LRRC37A2: variants seen among roughly 807,000 people sequenced by gnomAD.
The protein encoded by LRRC37A2 is leucine rich repeat containing 37 member A2, also known as leucine-rich repeat-containing protein 37A2.
In LRRC37A2, 9 loss-of-function variants were observed where a neutral mutation model predicts 68.8. That is an observed-to-expected ratio of 0.13 (90% CI 0.08 to 0.23). LRRC37A2 has a LOEUF of 0.23. Among genes scored for constraint, LRRC37A2 ranks in the 10% least tolerant of loss-of-function variants. The probability of loss-of-function intolerance (pLI) is 1.00; values close to 1 mark genes in which losing one functional copy is unlikely to be tolerated. For synonymous variants in LRRC37A2, 63 were observed against 367.6 expected, an observed-to-expected ratio of 0.17 and a Z score of 9.48; for missense variants, 168 against 950.4, an observed-to-expected ratio of 0.18 and a Z score of 10.82.
At chr17:47,047,916 C>G in the LRRC37A2 span, among the ~76,000 whole-genome samples, 1 of 151,208 alleles carries the variant, frequency 6.6e-6, no homozygotes, top group African/African-American at 2.4e-5. Context: ...TTATTAGCAT[C>G]AACTTCATGA....
chr17:46,878,479 A>G, the LRRC37A2 span, among the ~76,000 whole-genome samples: 1 of 152,208 alleles, frequency 6.6e-6, no homozygotes, highest in East Asian at 1.9e-4. Context: ...GAGAAGCCAA[A>G]CTGACCTGAG....
the LRRC37A2 span, among the ~76,000 whole-genome samples, chr17:46,790,296 T>C: frequency 6.6e-6 from 1 of 152,134 alleles, no homozygotes; most frequent in Non-Finnish European, 1.5e-5. Flanking sequence ...CAGGACTTCA[T>C]TACACATTCC....
At chr17:46,996,159 A>T in the LRRC37A2 span, among the ~76,000 whole-genome samples, 1 of 152,126 alleles carries the variant, frequency 6.6e-6, no homozygotes, top group South Asian at 2.1e-4. Flanking sequence ...TGCTCTCTGG[A>T]TATCCCAATG....
At chr17:47,020,597 G>T in the LRRC37A2 span, among the ~76,000 whole-genome samples, 3 of 150,244 alleles carry the variant, frequency 2.0e-5, no homozygotes, top group Non-Finnish European at 3.0e-5. Flanking sequence ...GGCTAACATG[G>T]TGAAACCCCA....
the LRRC37A2 span, among the ~76,000 whole-genome samples, chr17:46,845,355 TG>T: frequency 6.6e-6 from 1 of 152,058 alleles, no homozygotes; most frequent in African/African-American, 2.4e-5. Flanking sequence ...TCTATGCTCC[TG>T]GAAGTGGTAA....
the LRRC37A2 span, chr17:46,940,776 A>C: frequency 6.6e-7 from 1 of 1,519,302 alleles, no homozygotes; most frequent in Non-Finnish European, 8.8e-7. Flanking sequence ...TCTAGTTTGG[A>C]ATAAAAATTG....
At chr17:46,967,094 A>G in the LRRC37A2 span, 1 of 159,150 alleles carries the variant, frequency 6.3e-6, no homozygotes, top group East Asian at 1.8e-4. Flanking sequence ...CACAGGGAAG[A>G]CAGTTCTGGT....
chr17:46,923,547 C>T, the LRRC37A2 span: 2 of 1,322,526 alleles, frequency 1.5e-6, no homozygotes, highest in African/African-American at 1.5e-5. Context: ...ACTCGGTGCT[C>T]CTGGTTGGTA....
the LRRC37A2 span, chr17:46,979,108 T>A: frequency 8.5e-7 from 1 of 1,174,700 alleles, no homozygotes; most frequent in Non-Finnish European, 1.1e-6. Flanking sequence ...TCGGACCGGC[T>A]CCTGCGGTAC....
chr17:46,933,631 C>CTTTTTTTTATTTTTTTTTTTTTT, the LRRC37A2 span: 1 of 134,746 alleles, frequency 7.4e-6, no homozygotes, highest in Non-Finnish European at 1.6e-5. Flanking sequence ...GTGGCATAAC[C>CTTTTTTTTATTTTTTTTTTTTTT]TTTTTTTTTT....
At chr17:46,935,461 C>T in the LRRC37A2 span, 1 of 1,378,082 alleles carries the variant, frequency 7.3e-7, no homozygotes, top group Middle Eastern at 2.7e-4. Context: ...ACGAGGGGTC[C>T]AATCACAGGC....
At chr17:46,726,312 A>G in the LRRC37A2 span, among the ~76,000 whole-genome samples, 2 of 152,204 alleles carry the variant, frequency 1.3e-5, no homozygotes, top group Non-Finnish European at 2.9e-5. Flanking sequence ...TTGATTAATG[A>G]TCAGCTAGTC....
At chr17:46,764,933 C>T in the LRRC37A2 span, among the ~76,000 whole-genome samples, 1 of 152,226 alleles carries the variant, frequency 6.6e-6, no homozygotes, top group Non-Finnish European at 1.5e-5. Context: ...ATGGGAGAAA[C>T]GGTGCCTGGC....
chr17:46,817,724 C>T, the LRRC37A2 span, among the ~76,000 whole-genome samples: 3 of 151,970 alleles, frequency 2.0e-5, no homozygotes, highest in East Asian at 5.8e-4. Context: ...TCTCCCTTCC[C>T]TCTCCCTTTC....
the LRRC37A2 span, among the ~76,000 whole-genome samples, chr17:46,898,979 T>A: frequency 1.3e-5 from 2 of 152,196 alleles, no homozygotes; most frequent in Non-Finnish European, 2.9e-5. Context: ...CATAGCAGCA[T>A]TATTCATAAT....
At chr17:46,834,173 C>T in the LRRC37A2 span, among the ~76,000 whole-genome samples, 2 of 152,046 alleles carry the variant, frequency 1.3e-5, no homozygotes, top group Non-Finnish European at 2.9e-5. Context: ...CCAGCCTGGT[C>T]GATGGAGTGA....
chr17:47,000,023 TAA>T, the LRRC37A2 span, among the ~76,000 whole-genome samples: 1 of 75,530 alleles, frequency 1.3e-5, no homozygotes, highest in African/African-American at 5.3e-5. Flanking sequence ...TAAAATAAAA[TAA>T]AATAAAATAA....
chr17:46,489,554 C>T, the LRRC37A2 span, among the ~76,000 whole-genome samples: 14 of 148,696 alleles, frequency 9.4e-5, no homozygotes, highest in East Asian at 2.4e-3. Flanking sequence ...GGTGTGATCT[C>T]GGCTCACTGC....
At chr17:46,988,540 G>A in the LRRC37A2 span, among the ~76,000 whole-genome samples, 1 of 152,166 alleles carries the variant, frequency 6.6e-6, no homozygotes, top group Admixed American at 6.5e-5. Context: ...AGGGAAAGAG[G>A]AGATGGAAAG....
Sources: allele counts gnomAD v4.1 joint callset (sites outside exome capture counted in the v4.1 genomes callset), GRCh38; gene constraint gnomAD v4.1.1; transcripts MANE v1.5; gene names NCBI Gene and HGNC (gene_info 2026-07-23, HGNC 2026-07-21).